MYO15B: variants seen among roughly 807,000 people sequenced by gnomAD.
MYO15B encodes myosin XVB, also known as myosin XVB pseudogene.
Under a neutral mutation model 119.3 loss-of-function variants are expected in MYO15B, and 207 were observed. The ratio of observed to expected loss-of-function variants is 1.73; its 90% CI spans 1.55 to 1.95. The LOEUF is 1.95. Ranked by LOEUF, MYO15B falls within the 30% of genes most tolerant of loss-of-function variation. The pLI is 0.00. For missense variants in MYO15B, 2,264 were observed against 1,203.1 expected, an observed-to-expected ratio of 1.88 and a Z score of -13.04; for synonymous variants, 966 against 498.9, an observed-to-expected ratio of 1.94 and a Z score of -12.48.
At chr17:75,614,609 G>A (rs1376908221) in exon 31 of MYO15B, 2 of 701,136 alleles carry the variant, frequency 2.9e-6, no homozygotes, top group Admixed American at 4.0e-5. Flanking sequence ...CTTGCCCCTG[G>A]CATTCAGGCC....
chr17:75,619,716 G>A lies in MYO15B; in HGVS notation c.7218G>A (p.Val2406=), dbSNP rs1490481775. Residue 2406 remains valine, a synonymous_variant, in exon 46 of 64, where the codon GTG becomes GTA. Transcript: ENST00000645453. ...GCAGCGACGTGCAGCTGTTAGCCGT[G>A]TCCCACCGTGGGCTGCGACTGCTCA... 27 of 702,874 alleles carry A rather than the reference G, an allele frequency of 3.8e-5. No individual in the cohort carries two copies. In the East Asian group the frequency reaches 7.0e-4, roughly 18 times the overall value. The allele number at this position is 702,874 out of a possible 1,614,324, so 43.5% of individuals were successfully genotyped here.
At chr17:75,599,212 G>A (rs1407070751) in intron 14 of MYO15B, among the ~76,000 whole-genome samples, 1 of 151,886 alleles carries the variant, frequency 6.6e-6, no homozygotes, top group Non-Finnish European at 1.5e-5. Flanking sequence ...GTTACTGTGT[G>A]TGTTTGTGTA....
At chr17:75,626,223 C>T in exon 63 of MYO15B, 1 of 703,000 alleles carries the variant, frequency 1.4e-6, no homozygotes, top group Non-Finnish European at 2.6e-6. Flanking sequence ...GTTTGAGCTG[C>T]CACAGGTGAG....
At position 75,615,619 on chromosome 17, in the gene MYO15B, C is replaced by T. The variant is rs746551877; in HGVS notation, c.5838+19C>T. 2.9e-6 allele frequency: 2 copies of T among 683,634 alleles called. No individual in the cohort carries two copies. Among genetic ancestry groups the T allele is most frequent in the Non-Finnish European group, 5.3e-6 (2 of 374,886 alleles). 42.3% of individuals were successfully genotyped at this position (683,634 alleles called of 1,614,324 possible). A position where few individuals can be genotyped will look rare whatever the true frequency, so the allele number is the denominator to read the frequency against. On this transcript the variant is annotated intron_variant, in intron 35 of 63. Transcript: ENST00000645453. ...AATCCTGGTGAGCGCTGGCAGGGCC[C>T]TGGGGCCACCTGGTGGAGGAGAGGT...
At chr17:75,626,541 C>T in exon 64 of MYO15B, 1 of 702,164 alleles carries the variant, frequency 1.4e-6, no homozygotes, top group Middle Eastern at 2.3e-4. Context: ...CAAGTCTCAC[C>T]CACATGGTCT....
intron 19 of MYO15B, among the ~76,000 whole-genome samples, chr17:75,604,670 G>A (rs1027436376): frequency 1.1e-4 from 16 of 151,050 alleles, no homozygotes; most frequent in South Asian, 1.1e-3. Flanking sequence ...TGCCTCCTGC[G>A]CACACCATGT....
rs550748092 is a variant in MYO15B, at chr17:75,618,518, A to G, written c.6987+333A>G. Among the ~76,000 whole-genome samples the G allele has an allele frequency of 1.3e-4, 20 of 152,330 alleles. No individual in the cohort carries two copies. The East Asian group carries it at 3.5e-3, about 26-fold the overall frequency. ...AAATACAAAAATCAGGCGTGGTGGC[A>G]CGCACCTGTAACCCCAGCTACTTGG... On this transcript the variant is annotated intron_variant, in intron 43 of 63. Coordinates refer to ENST00000645453, the Ensembl canonical transcript of MYO15B.
Position 75,610,279 on chromosome 17 carries a change from G to T in MYO15B, c.4386+20G>T. ...CTGCAGGTGCAGGGGCTTGGGTGGG[G>T]CGGTTCAGGGTAGAAGCCAGGCTGC... On this transcript the variant is annotated intron_variant, in intron 22 of 63. Coordinates refer to ENST00000645453, the Ensembl canonical transcript of MYO15B. 1 of 690,078 alleles carries T rather than the reference G, an allele frequency of 1.4e-6. No individual in the cohort carries two copies. The highest frequency in any genetic ancestry group is 2.6e-6 in the Non-Finnish European group (1 of 378,326). 42.7% of individuals were successfully genotyped at this position (690,078 alleles called of 1,614,324 possible). A position where few individuals can be genotyped will look rare whatever the true frequency, so the allele number is the denominator to read the frequency against.
intron 28 of MYO15B, 95 bp downstream of exon 28, chr17:75,613,566 C>A: frequency 1.5e-6 from 1 of 646,100 alleles, no homozygotes; most frequent in Non-Finnish European, 2.8e-6. Context: ...CCCAGTCTTC[C>A]TGCTGCCCTG....
intron 53 of MYO15B, among the ~76,000 whole-genome samples, chr17:75,623,063 G>A (rs772932571): frequency 5.6e-4 from 85 of 152,372 alleles, no homozygotes; most frequent in Non-Finnish European, 9.0e-4. Flanking sequence ...CGGGCGCGGC[G>A]GCTCCCGCCT....
At chr17:75,587,892 C>A (rs1049424828) in exon 1 of MYO15B, among the ~76,000 whole-genome samples, 2 of 152,276 alleles carry the variant, frequency 1.3e-5, no homozygotes, top group African/African-American at 2.4e-5. Flanking sequence ...CCGCCTTCTG[C>A]ATTATTGATG....
chr17:75,623,671 G>C (rs762411903), intron 53 of MYO15B, 110 bp from the exon 54 acceptor site: 1 of 656,952 alleles, frequency 1.5e-6, no homozygotes, highest in Non-Finnish European at 2.8e-6. Flanking sequence ...AGCTGAGAGA[G>C]ACATCTTGAG....
chr17:75,619,328 G>A (rs1163929973), intron 44 of MYO15B, 30 bp from the exon 45 acceptor site: 1 of 702,562 alleles, frequency 1.4e-6, no homozygotes. Context: ...TGTGTGAGCA[G>A]AGGGCAGCCT....
At chr17:75,599,786 T>C (rs2057125418) in intron 14 of MYO15B, among the ~76,000 whole-genome samples, 1 of 150,284 alleles carries the variant, frequency 6.7e-6, no homozygotes, top group African/African-American at 2.4e-5. Context: ...TCCCAGCTAC[T>C]CGGGAGGCTG....
exon 44 of MYO15B, chr17:75,619,195 G>A (rs780420991): frequency 1.3e-4 from 89 of 702,722 alleles, no homozygotes; most frequent in South Asian, 7.5e-4. Flanking sequence ...CAGAATGAGC[G>A]GCGGAAAATG....
Position 75,618,066 on chromosome 17 carries a change from A to G in MYO15B, c.6928-60A>G. The G allele has an allele frequency of 4.3e-6, 3 of 699,156 alleles. No individual in the cohort carries two copies. The Admixed American group carries it at 6.0e-5, about 14-fold the overall frequency. The allele number at this position is 699,156 out of a possible 1,614,324, so 43.3% of individuals were successfully genotyped here. A position where few individuals can be genotyped will look rare whatever the true frequency, so the allele number is the denominator to read the frequency against. On this transcript the variant is annotated intron_variant, in intron 42 of 63. Transcript: ENST00000645453. Reference sequence around the variant, plus strand: ...TGATTTTCCAGGCCTGGGAGGGCAGAGGCTTGCTGGGAAGAGGCACCAGAC... The same window carrying G: ...TGATTTTCCAGGCCTGGGAGGGCAGGGGCTTGCTGGGAAGAGGCACCAGAC...
chr17:75,617,675 G>T (rs2058460216), intron 41 of MYO15B, 135 bp from the exon 42 acceptor site: 2 of 595,192 alleles, frequency 3.4e-6, no homozygotes, highest in Non-Finnish European at 6.0e-6. Context: ...TGCCATGGAA[G>T]GAGTAAGGCA....
chr17:75,603,845 C>T (rs2057445440), intron 19 of MYO15B, among the ~76,000 whole-genome samples: 1 of 152,352 alleles, frequency 6.6e-6, no homozygotes, highest in Middle Eastern at 3.4e-3. Flanking sequence ...CCTATCTGGC[C>T]TTTGGCTATT....
intron 59 of MYO15B, 26 bp downstream of exon 59, chr17:75,624,942 T>G: frequency 1.4e-6 from 1 of 699,790 alleles, no homozygotes; most frequent in Non-Finnish European, 2.6e-6. Context: ...TCCGAGCTGC[T>G]GCTGCAGTTT....
Sources: allele counts gnomAD v4.1 joint callset (sites outside exome capture counted in the v4.1 genomes callset), GRCh38; gene constraint gnomAD v4.1.1; transcripts MANE v1.5; gene names NCBI Gene and HGNC (gene_info 2026-07-23, HGNC 2026-07-21).